MPP7: variants seen among roughly 807,000 people sequenced by gnomAD.
The protein encoded by MPP7 is MAGUK p55 subfamily member 7.
A neutral mutation model predicts 76.5 loss-of-function variants in MPP7; 60 were observed. The ratio of observed to expected loss-of-function variants is 0.78; its 90% CI spans 0.64 to 0.97. The LOEUF (loss-of-function observed/expected upper bound fraction) is 0.97, where lower values mean the gene tolerates loss of function less well. Among genes scored for constraint, MPP7 ranks in the 50% least tolerant of loss-of-function variants. The pLI is 0.00. For synonymous variants in MPP7, 237 were observed against 244.5 expected, an observed-to-expected ratio of 0.97 and a Z score of 0.29; for missense variants, 641 against 694.0, an observed-to-expected ratio of 0.92 and a Z score of 0.86.
intron 5 of MPP7, among the ~76,000 whole-genome samples, chr10:28,145,212 C>T (rs1456012639): frequency 3.3e-5 from 5 of 152,098 alleles, no homozygotes; most frequent in Admixed American, 1.3e-4. Context: ...CGTGCCTGGC[C>T]GTATCTGTGT....
At chr10:28,257,200 C>T (rs534461630) in intron 1 of MPP7, among the ~76,000 whole-genome samples, 2 of 152,172 alleles carry the variant, frequency 1.3e-5, no homozygotes, top group East Asian at 1.9e-4. Flanking sequence ...AAGCAACAAG[C>T]GCAATTCAGC....
chr10:28,096,968 A>C (rs1347808499), intron 11 of MPP7, among the ~76,000 whole-genome samples: 1 of 151,900 alleles, frequency 6.6e-6, no homozygotes, highest in African/African-American at 2.4e-5. Flanking sequence ...TCTTGGTCTA[A>C]ATTTAGCTTC....
At chr10:28,154,678 G>C (rs1835991426) in intron 3 of MPP7, among the ~76,000 whole-genome samples, 1 of 146,762 alleles carries the variant, frequency 6.8e-6, no homozygotes, top group Admixed American at 7.1e-5. Flanking sequence ...TTAGTTCCCA[G>C]AATAATGTTC....
At chr10:28,134,451 G>A (rs543466672) in intron 5 of MPP7, among the ~76,000 whole-genome samples, 3 of 152,152 alleles carry the variant, frequency 2.0e-5, no homozygotes, top group South Asian at 4.2e-4. Context: ...CTCCCTTTTG[G>A]TAACTTGCCC....
rs1192149562 is a variant in MPP7 at position 28,313,853 on chromosome 10, A to ATTTTTTTTT, written c.-132+16067_-132+16075dup. On this transcript the variant is annotated intron_variant, in intron 2 of 11. Transcript: ENST00000441595. ...AGGTGTGTGCCACTATACCTGGCTA[A>ATTTTTTTTT]TTTTTTTTTTTTTATTTTTTTTATT... 9.2e-5 allele frequency among the ~76,000 whole-genome samples: 3 copies of ATTTTTTTTT among 32,676 alleles called. 1 individual carries two copies. Among genetic ancestry groups the ATTTTTTTTT allele is most frequent in the East Asian group, 6.0e-4 (1 of 1,670 alleles). 21.4% of individuals were successfully genotyped at this position (32,676 alleles called of 152,430 possible).
chr10:28,252,746 G>A (rs1179410956), intron 1 of MPP7, among the ~76,000 whole-genome samples: 4 of 152,068 alleles, frequency 2.6e-5, no homozygotes, highest in African/African-American at 9.7e-5. Flanking sequence ...TCTTAGAACT[G>A]TTTGAAATTT....
At chr10:28,056,322 C>T (rs1015341467) in intron 16 of MPP7, among the ~76,000 whole-genome samples, 158 bp downstream of exon 16, 32 of 152,156 alleles carry the variant, frequency 2.1e-4, no homozygotes, top group African/African-American at 7.0e-4. Flanking sequence ...TCATGCCTGG[C>T]TAATTTCCAT....
At chr10:28,089,541 GAGACA>G in intron 12 of MPP7, 125 bp downstream of exon 12, 1 of 791,246 alleles carries the variant, frequency 1.3e-6, no homozygotes, top group Non-Finnish European at 2.0e-6. Context: ...TTTTGTTTCA[GAGACA>G]AGACAAAAGG....
chr10:28,103,184 T>TG (rs1853912966), intron 11 of MPP7, among the ~76,000 whole-genome samples: 1 of 147,198 alleles, frequency 6.8e-6, no homozygotes, highest in Non-Finnish European at 1.5e-5. Context: ...GCACACACTG[T>TG]GGGGGCCTGT....
intron 2 of MPP7, among the ~76,000 whole-genome samples, chr10:28,233,379 A>G (rs1408990257): frequency 5.9e-5 from 9 of 152,158 alleles, no homozygotes; most frequent in Non-Finnish European, 1.5e-5. Flanking sequence ...ACACACATAC[A>G]CTTCTTTGCT....
At chr10:28,218,031 T>G (rs994442672) in intron 2 of MPP7, among the ~76,000 whole-genome samples, 2 of 152,188 alleles carry the variant, frequency 1.3e-5, no homozygotes, top group Non-Finnish European at 1.5e-5. Context: ...CATGGAGACT[T>G]TACGCCTAAA....
chr10:28,189,570 CAAAAAAAA>C (rs59436299), intron 3 of MPP7, among the ~76,000 whole-genome samples: 2 of 69,520 alleles, frequency 2.9e-5, no homozygotes, highest in Non-Finnish European at 2.8e-5. Context: ...GACCCTGTCT[CAAAAAAAA>C]AAAAAAAAAA....
intron 13 of MPP7, 93 bp from the exon 14 acceptor site, chr10:28,059,836 T>A (rs1851707105): frequency 1.2e-6 from 1 of 817,426 alleles, no homozygotes; most frequent in East Asian, 2.6e-5. Flanking sequence ...AATTAGTTTT[T>A]TCAACAGGAT....
intron 3 of MPP7, among the ~76,000 whole-genome samples, chr10:28,197,942 T>C (rs1350208434): frequency 6.6e-6 from 1 of 152,188 alleles, no homozygotes; most frequent in Non-Finnish European, 1.5e-5. Context: ...GCTAAAACAA[T>C]GTAACCAGAT....
intron 1 of MPP7, among the ~76,000 whole-genome samples, chr10:28,298,738 T>C (rs1841086952): frequency 6.6e-6 from 1 of 152,172 alleles, no homozygotes. Context: ...CTTCTTCCAA[T>C]ATAAGGCTGT....
chr10:28,298,468 G>A (rs773197182), intron 1 of MPP7, among the ~76,000 whole-genome samples: 6 of 152,212 alleles, frequency 3.9e-5, no homozygotes, highest in Non-Finnish European at 7.3e-5. Flanking sequence ...TTTCTTCTGA[G>A]CAGTGGGTCT....
intron 3 of MPP7, among the ~76,000 whole-genome samples, chr10:28,158,790 T>C: frequency 6.6e-6 from 1 of 152,178 alleles, no homozygotes; most frequent in East Asian, 1.9e-4. Flanking sequence ...CCATGCACTG[T>C]AAGAGAAATG....
In MPP7 at chr10:28,324,050, T is replaced by A. The variant is rs1834389790; in HGVS notation, c.-132+5879A>T. 2.0e-5 allele frequency among the ~76,000 whole-genome samples: 3 copies of A among 152,172 alleles called. No homozygotes were observed. The South Asian group carries it at 6.2e-4, about 31-fold the overall frequency. On this transcript the variant is annotated intron_variant, in intron 2 of 11. Coordinates refer to the MPP7 transcript ENST00000441595. Reference sequence around the variant, plus strand: ...AGTTATTATGAGGACTAAAATGAGATAATAACAATAGCTGTGACGGTCTGT... The same window carrying A: ...AGTTATTATGAGGACTAAAATGAGAAAATAACAATAGCTGTGACGGTCTGT...
intron 13 of MPP7, among the ~76,000 whole-genome samples, chr10:28,064,347 GAA>G (rs1457392653): frequency 1.3e-5 from 2 of 152,158 alleles, no homozygotes; most frequent in African/African-American, 4.8e-5. Context: ...GTCTGGCAAA[GAA>G]AAAAGTGGAT....
Sources: allele counts gnomAD v4.1 joint callset (sites outside exome capture counted in the v4.1 genomes callset), GRCh38; gene constraint gnomAD v4.1.1; transcripts MANE v1.5; gene names NCBI Gene and HGNC (gene_info 2026-07-23, HGNC 2026-07-21).